The following SH3PXD2B variants were observed in gnomAD, a reference collection of about 807,000 sequenced individuals.
SH3PXD2B encodes the protein SH3 and PX domain-containing protein 2B.
Under a neutral mutation model 73.1 loss-of-function variants are expected in SH3PXD2B, and 37 were observed. The ratio of observed to expected loss-of-function variants is 0.51; its 90% CI spans 0.39 to 0.67. The LOEUF (loss-of-function observed/expected upper bound fraction) is 0.67. SH3PXD2B is among the 30% of genes least tolerant of loss of function. The pLI is 0.00. For missense variants in SH3PXD2B, 1,053 were observed against 1,197.8 expected (o/e 0.88, Z 1.78); for synonymous variants, 457 against 480.5 (o/e 0.95, Z 0.64).
chr5:172,431,578 C>T (rs769134444), intron 1 of SH3PXD2B, among the ~76,000 whole-genome samples: 22 of 152,186 alleles, frequency 1.4e-4, no homozygotes, highest in Non-Finnish European at 2.6e-4. Flanking sequence ...CAGGCATTAT[C>T]TTAGGTAAAA....
chr5:172,394,521 T>C, intron 4 of SH3PXD2B, 42 bp downstream of exon 4: 3 of 1,599,488 alleles, frequency 1.9e-6, no homozygotes, highest in South Asian at 2.2e-5. Context: ...GAAAACAGAA[T>C]ACACCTACAG....
At chr5:172,352,752 T>C (rs1257938649) in intron 9 of SH3PXD2B, among the ~76,000 whole-genome samples, 2 of 152,196 alleles carry the variant, frequency 1.3e-5, no homozygotes, top group Non-Finnish European at 2.9e-5. Flanking sequence ...CTCTTGCCGA[T>C]GCTATGTAAG....
At chr5:172,391,938 A>G (rs1224671424) in intron 4 of SH3PXD2B, among the ~76,000 whole-genome samples, 4 of 152,132 alleles carry the variant, frequency 2.6e-5, no homozygotes, top group African/African-American at 4.8e-5. Context: ...TAGAAGTTTT[A>G]CAGTTTTAGC....
chr5:172,433,736 C>T (rs899824958), intron 1 of SH3PXD2B, among the ~76,000 whole-genome samples: 12 of 152,158 alleles, frequency 7.9e-5, no homozygotes, highest in Non-Finnish European at 1.5e-4. Context: ...TGACCTCTTA[C>T]AGCCTCTCTG....
intron 1 of SH3PXD2B, among the ~76,000 whole-genome samples, chr5:172,429,469 T>A (rs549446309): frequency 6.6e-6 from 1 of 152,110 alleles, no homozygotes. Context: ...CCTTTAAATC[T>A]CTTCTTACAC....
At chr5:172,409,218 A>G (rs1308726438) in intron 2 of SH3PXD2B, among the ~76,000 whole-genome samples, 4 of 152,018 alleles carry the variant, frequency 2.6e-5, no homozygotes, top group Admixed American at 1.3e-4. Context: ...CCTCTCCACT[A>G]AAAATACAAA....
intron 3 of SH3PXD2B, among the ~76,000 whole-genome samples, chr5:172,400,612 C>A (rs1228922765): frequency 6.6e-6 from 1 of 152,254 alleles, no homozygotes; most frequent in South Asian, 2.1e-4. Flanking sequence ...GTTGTCCCCA[C>A]TACCGTCCCC....
chr5:172,426,908 A>T (rs1759107623), intron 1 of SH3PXD2B, among the ~76,000 whole-genome samples: 1 of 152,234 alleles, frequency 6.6e-6, no homozygotes, highest in Non-Finnish European at 1.5e-5. Flanking sequence ...AAGACAAAAC[A>T]GTCCTTTTCT....
intron 12 of SH3PXD2B, among the ~76,000 whole-genome samples, chr5:172,342,304 T>C (rs1338454586): frequency 2.0e-5 from 3 of 152,194 alleles, no homozygotes; most frequent in Non-Finnish European, 4.4e-5. Flanking sequence ...TGAACGCTCA[T>C]GACACCCTGT....
chr5:172,448,420 G>A (rs1337989663), intron 1 of SH3PXD2B, among the ~76,000 whole-genome samples: 5 of 152,100 alleles, frequency 3.3e-5, no homozygotes, highest in Admixed American at 1.3e-4. Flanking sequence ...GCGCAATCTC[G>A]GCTCACTGCA....
chr5:172,439,669 T>TGTGTGC (rs1561583806), intron 1 of SH3PXD2B, among the ~76,000 whole-genome samples: 2 of 120,374 alleles, frequency 1.7e-5, no homozygotes, highest in Non-Finnish European at 1.8e-5. Context: ...GGTATGTGTG[T>TGTGTGC]GCGTGCGTGC....
In SH3PXD2B at chr5:172,394,605, G is replaced by A. The variant is rs376712965; in HGVS notation, c.267C>T (p.Asp89=). The change falls in exon 4 of 13, where the codon GAC becomes GAT. Residue 89 remains aspartate, a synonymous_variant. Transcript: ENST00000311601. ...KILFRRSHIR[D]VAVKRLIPID... ...TTGGTATCAGGCGTTTGACAGCCAC[G>A]TCCCGGATGTGGCTTCGTCTGAAGA... is the stretch of plus-strand genomic sequence containing the variant. 34 of 1,613,976 alleles carry A rather than the reference G, an allele frequency of 2.1e-5. No individual in the cohort carries two copies. The highest frequency in any genetic ancestry group is 5.3e-5 in the African/African-American group (4 of 74,914).
chr5:172,436,693 G>A (rs1252840796), intron 1 of SH3PXD2B, among the ~76,000 whole-genome samples: 3 of 152,248 alleles, frequency 2.0e-5, no homozygotes, highest in Non-Finnish European at 4.4e-5. Flanking sequence ...GAGCAAATAT[G>A]CTGTCTCTCA....
chr5:172,411,621 G>A (rs1450650588), intron 2 of SH3PXD2B, among the ~76,000 whole-genome samples: 2 of 152,182 alleles, frequency 1.3e-5, no homozygotes, highest in African/African-American at 2.4e-5. Flanking sequence ...CCGTCTGCAG[G>A]ATGAGGGACG....
At chr5:172,431,802 G>C (rs1191341535) in intron 1 of SH3PXD2B, among the ~76,000 whole-genome samples, 1 of 152,094 alleles carries the variant, frequency 6.6e-6, no homozygotes, top group African/African-American at 2.4e-5. Flanking sequence ...AGGGTCTTTC[G>C]AGCCTATGTT....
chr5:172,432,045 C>T (rs1304090878), intron 1 of SH3PXD2B, among the ~76,000 whole-genome samples: 6 of 152,046 alleles, frequency 3.9e-5, no homozygotes, highest in African/African-American at 7.2e-5. Flanking sequence ...GGCGGGTGGG[C>T]GCCTGTAATC....
chr5:172,381,635 T>C (rs1194270890), intron 5 of SH3PXD2B, among the ~76,000 whole-genome samples: 1 of 152,104 alleles, frequency 6.6e-6, no homozygotes, highest in South Asian at 2.1e-4. Flanking sequence ...TCACCGGCAG[T>C]GGGGTCTTCG....
Position 172,358,870 on chromosome 5 carries a change from C to T in SH3PXD2B, c.570G>A (p.Trp190Ter). 1 of 1,613,936 alleles carries T rather than the reference C, an allele frequency of 6.2e-7. No homozygotes were observed. Among genetic ancestry groups the T allele is most frequent in the Non-Finnish European group, 8.5e-7 (1 of 1,179,932 alleles). ...DIIEKNESGW[W>*]FVSTAEEQGW... is the part of the protein sequence containing the mutation. Reference sequence around the variant, plus strand: ...CTTGCTCCTCGGCAGTGCTGACGAACCACCAACCTGGGGAAGCAAGAGTGC... The same window carrying T: ...CTTGCTCCTCGGCAGTGCTGACGAATCACCAACCTGGGGAAGCAAGAGTGC... Residue 190 changes from tryptophan (W) to a stop codon, truncating the protein, a stop_gained, in exon 8 of 13, where the codon TGG becomes TGA. Transcript: ENST00000311601. LOFTEE classifies it high-confidence loss of function.
At chr5:172,384,567 T>A (rs1758017911) in intron 4 of SH3PXD2B, among the ~76,000 whole-genome samples, 1 of 152,166 alleles carries the variant, frequency 6.6e-6, no homozygotes, top group Non-Finnish European at 1.5e-5. Flanking sequence ...CTCTAGGGAT[T>A]GATGATTCCA....
Sources: allele counts gnomAD v4.1 joint callset (sites outside exome capture counted in the v4.1 genomes callset), GRCh38; gene constraint gnomAD v4.1.1; transcripts MANE v1.5; gene names NCBI Gene and HGNC (gene_info 2026-07-23, HGNC 2026-07-21).